The following ZNF469 variants were observed in gnomAD, a reference collection of about 807,000 sequenced individuals.
ZNF469 encodes the protein zinc finger protein 469.
Under a neutral mutation model 1.0 loss-of-function variants are expected in ZNF469, and 1 was observed. The ratio of observed to expected loss-of-function variants is 1.00; its 90% CI spans 0.35 to 4.73. ZNF469 has a LOEUF of 4.73. Ranked by LOEUF, ZNF469 falls within the 30% of genes most tolerant of loss-of-function variation. ZNF469 has a pLI of 0.16. For synonymous variants in ZNF469, 2,703 were observed against 2,363.4 expected (o/e 1.14, Z -4.17); for missense variants, 6,100 against 5,356.3 (o/e 1.14, Z -4.33).
rs1412494736 is a variant in ZNF469 at position 88,439,811 on chromosome 16, G to A, written c.*479G>A. ...TCCAAAGTGACCTTAGAAACCACGT[G>A]GGGGAAGGCAGTGCTCACTACTTAG... On this transcript the variant is annotated 3_prime_UTR_variant, in exon 3 of 3. Transcript: ENST00000565624. 4 of 233,152 alleles carry A rather than the reference G, an allele frequency of 1.7e-5. No homozygotes were observed. Among genetic ancestry groups the A allele is most frequent in the African/African-American group, 4.6e-5 (2 of 43,148 alleles). The allele number at this position is 233,152 out of a possible 1,614,324, so 14.4% of individuals were successfully genotyped here.
In ZNF469 at chr16:88,429,525, G is replaced by A. The variant is rs1333539866; in HGVS notation, c.2055G>A (p.Leu685=). ...GAGCCGAGGGTGCCTTCCAGTGCCT[G>A]GAGGAGACCCCATTCCCCCACGAGG... is the stretch of plus-strand genomic sequence containing the variant. The part of the protein sequence containing the change: ...GLGAEGAFQC[L]EETPFPHEGP... The change falls in exon 3 of 3, where the codon CTG becomes CTA. Residue 685 remains leucine (L), a synonymous_variant. Coordinates refer to ENST00000565624, the MANE Select transcript of ZNF469 (RefSeq NM_001367624.2). The A allele has an allele frequency of 1.3e-6, 2 of 1,550,002 alleles. No homozygotes were observed. Among genetic ancestry groups the A allele is most frequent in the Non-Finnish European group, 8.7e-7 (1 of 1,146,854 alleles).
chr16:88,274,308 A>G, the ZNF469 span, among the ~76,000 whole-genome samples: 2 of 152,218 alleles, frequency 1.3e-5, no homozygotes, highest in Middle Eastern at 3.2e-3. Flanking sequence ...GGAAAGCTGA[A>G]GAGAGTTCTG....
chr16:88,289,564 C>T, the ZNF469 span, among the ~76,000 whole-genome samples: 2 of 152,156 alleles, frequency 1.3e-5, no homozygotes, highest in South Asian at 2.1e-4. Flanking sequence ...CATTTAATCT[C>T]CCATCACCAC....
the ZNF469 span, among the ~76,000 whole-genome samples, chr16:88,244,242 T>G: frequency 7.3e-6 from 1 of 136,420 alleles, no homozygotes; most frequent in Non-Finnish European, 1.6e-5. Flanking sequence ...GGTGGGGGTT[T>G]GGGAGGGTGA....
the ZNF469 span, among the ~76,000 whole-genome samples, chr16:88,137,088 A>C: frequency 1.3e-5 from 2 of 152,244 alleles, no homozygotes; most frequent in Admixed American, 6.5e-5. Flanking sequence ...TGTGTGTGCA[A>C]CCATGCATGT....
the ZNF469 span, among the ~76,000 whole-genome samples, chr16:88,166,493 C>T: frequency 6.6e-6 from 1 of 152,290 alleles, no homozygotes; most frequent in Non-Finnish European, 1.5e-5. This position sits in a 1 kb window ranked among gnomAD's most constrained non-coding sequence, Gnocchi z 4.5. Flanking sequence ...GAGCGCCCCT[C>T]GGCACCCTCC....
In ZNF469 at chr16:88,430,652, G is replaced by A; in HGVS notation, c.3182G>A (p.Arg1061His). Residue 1061 changes from arginine (R) to histidine (H), a missense_variant, in exon 3 of 3, where the codon CGC becomes CAC. Physicochemically the swap from Arg to His is conservative, Grantham distance 29. Coordinates refer to ENST00000565624, the MANE Select transcript of ZNF469 (RefSeq NM_001367624.2). ...AAGATCGTGCAGCAGAAGAACAGGC[G>A]CCACCGGCGGCTGGGGCGGCGGGCG... ...ILKIVQQKNR[R>H]HRRLGRRAGR... The A allele has an allele frequency of 2.0e-6, 3 of 1,493,614 alleles. No individual in the cohort carries two copies. The highest frequency in any genetic ancestry group is 1.8e-6 in the Non-Finnish European group (2 of 1,127,234). 92.5% of individuals were successfully genotyped at this position (1,493,614 alleles called of 1,614,324 possible). A position where few individuals can be genotyped will look rare whatever the true frequency, so the allele number is the denominator to read the frequency against.
chr16:88,208,779 G>GA, the ZNF469 span, among the ~76,000 whole-genome samples: 1 of 133,704 alleles, frequency 7.5e-6, no homozygotes, highest in African/African-American at 2.8e-5. Context: ...GCGTGCGCGC[G>GA]CACACACACA....
At chr16:88,129,819 T>G in the ZNF469 span, among the ~76,000 whole-genome samples, 1 of 152,220 alleles carries the variant, frequency 6.6e-6, no homozygotes, top group African/African-American at 2.4e-5. Context: ...GATCGTGCCA[T>G]TGCACTTCAG....
the ZNF469 span, among the ~76,000 whole-genome samples, chr16:88,103,656 C>A: frequency 6.6e-6 from 1 of 152,146 alleles, no homozygotes; most frequent in Admixed American, 6.5e-5. Context: ...CCCTGGGATG[C>A]CGAGGCTGGG....
chr16:88,113,519 G>T, the ZNF469 span, among the ~76,000 whole-genome samples: 1 of 152,206 alleles, frequency 6.6e-6, no homozygotes, highest in African/African-American at 2.4e-5. Flanking sequence ...CCCTGTGGAC[G>T]CAGGACGTGA....
the ZNF469 span, among the ~76,000 whole-genome samples, chr16:88,118,163 A>T: frequency 6.6e-6 from 1 of 151,470 alleles, no homozygotes; most frequent in East Asian, 1.9e-4. Context: ...GGCTGCTCTC[A>T]AACTCCTGAC....
chr16:88,439,316 A>G lies in ZNF469; in HGVS notation c.11846A>G (p.Lys3949Arg). Residue 3949 changes from lysine (K) to arginine (R), a missense_variant, in exon 3 of 3, where the codon AAA (lysine) becomes AGA (arginine). Coordinates refer to ENST00000565624, the MANE Select transcript of ZNF469 (RefSeq NM_001367624.2). Reference sequence around the variant, plus strand: ...ACTGGCTTCAAAATCCCTTTAAAGAAAGATGCTTCCGAGTAATTTCTAGGA... The same window carrying G: ...ACTGGCTTCAAAATCCCTTTAAAGAGAGATGCTTCCGAGTAATTTCTAGGA... Reference protein sequence around the residue: ...RLTGFKIPLKKDASE With the variant: ...RLTGFKIPLKRDASE 1 of 1,550,308 alleles carries G rather than the reference A, an allele frequency of 6.5e-7. No homozygotes were observed. The highest frequency in any genetic ancestry group is 8.7e-7 in the Non-Finnish European group (1 of 1,146,960).
At chr16:88,324,320 C>G in the ZNF469 span, among the ~76,000 whole-genome samples, 1 of 151,840 alleles carries the variant, frequency 6.6e-6, no homozygotes, top group East Asian at 1.9e-4. Context: ...GAGACGCAGA[C>G]CCCCACACAC....
At chr16:88,387,599 G>A (rs1904372511) in intron 1 of ZNF469, among the ~76,000 whole-genome samples, 1 of 152,194 alleles carries the variant, frequency 6.6e-6, no homozygotes, top group African/African-American at 2.4e-5. Flanking sequence ...AGCCCTGCCA[G>A]GAGTGAAGTG....
At chr16:88,331,247 C>T in the ZNF469 span, among the ~76,000 whole-genome samples, 18 of 150,416 alleles carry the variant, frequency 1.2e-4, no homozygotes, top group Non-Finnish European at 2.2e-4. Context: ...CCATCACCAT[C>T]GTCACCATCA....
At chr16:88,354,664 A>G in the ZNF469 span, among the ~76,000 whole-genome samples, 1 of 152,150 alleles carries the variant, frequency 6.6e-6, no homozygotes, top group Non-Finnish European at 1.5e-5. Context: ...GGCTGCTGTT[A>G]GGGTGCGCTC....
chr16:88,108,287 C>A, the ZNF469 span, among the ~76,000 whole-genome samples: 2 of 151,300 alleles, frequency 1.3e-5, no homozygotes. Flanking sequence ...GCACAGAGGA[C>A]GCCTTCCAGT....
At chr16:88,206,006 C>A in the ZNF469 span, among the ~76,000 whole-genome samples, 4 of 152,280 alleles carry the variant, frequency 2.6e-5, no homozygotes, top group Non-Finnish European at 5.9e-5. Flanking sequence ...TGAGCCCCCA[C>A]CCCGGGTGGC....
Sources: gnomAD v4.1 joint callset for allele counts (sites outside exome capture counted in the v4.1 genomes callset) on GRCh38, gnomAD v4.1.1 for gene constraint, Gnocchi (gnomAD v3.1) non-coding constraint, MANE v1.5 for transcripts, NCBI Gene and HGNC (gene_info 2026-07-23, HGNC 2026-07-21) for gene names.